The following PRDX1 variants were observed in gnomAD, a reference collection of about 807,000 sequenced individuals.
The protein encoded by PRDX1 is peroxiredoxin-1.
In PRDX1, 19 loss-of-function variants were observed where a neutral mutation model predicts 20.7. The ratio of observed to expected loss-of-function variants is 0.92; its 90% CI spans 0.64 to 1.35. The LOEUF (loss-of-function observed/expected upper bound fraction) is 1.35. Ranked by LOEUF, PRDX1 falls within the 40% of genes most tolerant of loss-of-function variation. The pLI, the probability that PRDX1 is intolerant of heterozygous loss-of-function variation, is 0.00. For synonymous variants in PRDX1, 89 were observed against 83.9 expected (o/e 1.06, Z -0.33); for missense variants, 226 against 240.0 (o/e 0.94, Z 0.38).
intron 1 of PRDX1, among the ~76,000 whole-genome samples, chr1:45,520,480 TG>T (rs1643900937): frequency 6.6e-6 from 1 of 151,840 alleles, no homozygotes; most frequent in African/African-American, 2.4e-5. Context: ...CCCAGCACTT[TG>T]GGAGGCCGAG....
Position 45,511,317 on chromosome 1 carries a change from A to C in PRDX1, c.*12T>G. 2 of 1,597,862 alleles carry C rather than the reference A, an allele frequency of 1.3e-6. No homozygotes were observed. The highest frequency in any genetic ancestry group is 1.7e-6 in the Non-Finnish European group (2 of 1,171,888). ...CTGCCCACCGCAGCCTGGCACTAAA[A>C]CAGCCCAGCGCTCACTTCTGCTTGG... is the stretch of plus-strand genomic sequence containing the variant. On this transcript the variant is annotated 3_prime_UTR_variant, in exon 6 of 6. Coordinates refer to ENST00000319248, the MANE Select transcript of PRDX1 (RefSeq NM_181697.3).
At chr1:45,511,486 C>A in intron 5 of PRDX1, 72 bp from the exon 6 acceptor site, 1 of 1,283,016 alleles carries the variant, frequency 7.8e-7, no homozygotes, top group South Asian at 1.3e-5. Context: ...ATGGACAAAA[C>A]CAGTTCTGCA....
chr1:45,514,735 C>A (rs1042362804), intron 4 of PRDX1, 98 bp from the exon 5 acceptor site: 3 of 1,576,512 alleles, frequency 1.9e-6, no homozygotes, highest in Non-Finnish European at 2.6e-6. Flanking sequence ...CTGGTCTCCA[C>A]ACTCCTACTG....
chr1:45,511,526 C>A, intron 5 of PRDX1, 112 bp from the exon 6 acceptor site: 1 of 773,892 alleles, frequency 1.3e-6, no homozygotes, highest in Non-Finnish European at 2.1e-6. Context: ...GGAAACCTAC[C>A]CCTGCAATCA....
chr1:45,514,291 G>A (rs933080106), intron 5 of PRDX1, among the ~76,000 whole-genome samples: 3 of 152,108 alleles, frequency 2.0e-5, no homozygotes, highest in Non-Finnish European at 4.4e-5. Context: ...ACCCAAGAAT[G>A]ATCAATAAAT....
In PRDX1 at chr1:45,514,529, C is replaced by T. The variant is rs1272888566; in HGVS notation, c.492G>A (p.Gln164=). 2.2e-5 allele frequency: 36 copies of T among 1,614,028 alleles called. No homozygotes were observed. Among genetic ancestry groups the T allele is most frequent in the Middle Eastern group, 1.6e-4 (1 of 6,082 alleles). The change falls in exon 5 of 6, where the codon CAG becomes CAA. Residue 164 remains glutamine, a synonymous_variant. Coordinates refer to ENST00000319248, the MANE Select transcript of PRDX1 (RefSeq NM_181697.3). ...DETLRLVQAF[Q]FTDKHGEVCP... ...TACCTTCCCCATGTTTGTCAGTGAA[C>T]TGGAAGGCCTGAACTAGTCTCAAAG...
chr1:45,516,075 C>A (rs1336634421), intron 2 of PRDX1, among the ~76,000 whole-genome samples: 1 of 152,210 alleles, frequency 6.6e-6, no homozygotes, highest in Admixed American at 6.5e-5. Flanking sequence ...TAATTTTGAT[C>A]TTTTCTGAGT....
upstream of PRDX1, among the ~76,000 whole-genome samples, chr1:45,522,148 A>C (rs1024346052): frequency 2.6e-5 from 4 of 152,134 alleles, no homozygotes; most frequent in Non-Finnish European, 4.4e-5. Context: ...TTAATCCTAG[A>C]TCTCTGCGGA....
intron 5 of PRDX1, chr1:45,512,069 CTTTTTTTTTTTTTTT>C (rs869087041): frequency 4.5e-5 from 3 of 66,904 alleles, no homozygotes; most frequent in African/African-American, 5.8e-5. Flanking sequence ...TCTTATTTTT[CTTTTTTTTTTTTTTT>C]TTTTTTTTTT....
rs774027381 is a variant in PRDX1, at chr1:45,511,341, G to T, written c.588C>A (p.Ser196=). The T allele has an allele frequency of 6.2e-7, 1 of 1,612,230 alleles. No homozygotes were observed. The highest frequency in any genetic ancestry group is 8.5e-7 in the Non-Finnish European group (1 of 1,179,118). Residue 196 remains serine (S), a synonymous_variant, in exon 6 of 6, where the codon TCC becomes TCA. Coordinates refer to ENST00000319248, the MANE Select transcript of PRDX1 (RefSeq NM_181697.3). ...PDVQKSKEYF[S]KQK is the part of the protein sequence containing the mutation. ...AACAGCCCAGCGCTCACTTCTGCTT[G>T]GAGAAATATTCTTTGCTCTTTTGGA...
chr1:45,516,220 A>C (rs1260792936), intron 2 of PRDX1, among the ~76,000 whole-genome samples: 2 of 152,272 alleles, frequency 1.3e-5, no homozygotes, highest in Non-Finnish European at 1.5e-5. Context: ...TGTAGAGATA[A>C]GACACCAATA....
intron 5 of PRDX1, among the ~76,000 whole-genome samples, chr1:45,514,048 G>C (rs1416635829): frequency 1.3e-5 from 2 of 152,180 alleles, no homozygotes; most frequent in Admixed American, 1.3e-4. Context: ...AAACCCAATT[G>C]TATGTTCCAT....
At chr1:45,520,179 T>TG (rs1643896421) in intron 1 of PRDX1, among the ~76,000 whole-genome samples, 1 of 127,938 alleles carries the variant, frequency 7.8e-6, no homozygotes, top group Non-Finnish European at 1.6e-5. Context: ...CACTCCAGCC[T>TG]GGGCAACAGA....
upstream of PRDX1, among the ~76,000 whole-genome samples, chr1:45,522,432 A>T (rs995734360): frequency 2.0e-5 from 3 of 152,164 alleles, no homozygotes; most frequent in Non-Finnish European, 4.4e-5. Flanking sequence ...AGGACTCCTA[A>T]ACTTACGCCA....
Position 45,515,936 on chromosome 1 carries a change from T to C in PRDX1, c.107-129A>G, listed in dbSNP as rs1011185698. 1.1e-5 allele frequency: 10 copies of C among 910,862 alleles called. No homozygotes were observed. The African/African-American group carries it at 1.7e-4, about 16-fold the overall frequency. The allele number at this position is 910,862 out of a possible 1,614,324, so 56.4% of individuals were successfully genotyped here. A position where few individuals can be genotyped will look rare whatever the true frequency, so the allele number is the denominator to read the frequency against. On this transcript the variant is annotated intron_variant, in intron 2 of 5. Transcript: ENST00000319248. Reference sequence around the variant, plus strand: ...TAACTGCCAAGATGCTCAATACAGATGTCTCCTAGAAGCTACTTTTAGAAC... The same window carrying C: ...TAACTGCCAAGATGCTCAATACAGACGTCTCCTAGAAGCTACTTTTAGAAC...
Position 45,519,015 on chromosome 1 carries a change from T to A in PRDX1, c.29A>T (p.His10Leu). The change falls in exon 2 of 6, where the codon CAC becomes CTC. Residue 10 changes from histidine (H) to leucine (L), a missense_variant. Physicochemically the swap from His to Leu is moderately conservative, Grantham distance 99. Coordinates refer to ENST00000319248, the MANE Select transcript of PRDX1 (RefSeq NM_181697.3). ...TGTGGCTTTGAAGTTGGGGGCAGGG[T>A]GCCCAATTTTAGCATTTCCTGAAGA... MSSGNAKIG[H>L]PAPNFKATAV... is the part of the protein sequence containing the mutation. The A allele has an allele frequency of 6.3e-7, 1 of 1,598,958 alleles. No homozygotes were observed.
At chr1:45,515,107 T>A in intron 3 of PRDX1, 112 bp from the exon 4 acceptor site, 1 of 1,458,102 alleles carries the variant, frequency 6.9e-7, no homozygotes, top group Non-Finnish European at 9.3e-7. Flanking sequence ...GACTGTTTTT[T>A]TTCCGTTTTC....
chr1:45,518,979 G>C lies in PRDX1; in HGVS notation c.65C>G (p.Pro22Arg). The change falls in exon 2 of 6, where the codon CCA becomes CGA. Residue 22 changes from proline (P) to arginine (R), a missense_variant. Coordinates refer to ENST00000319248, the MANE Select transcript of PRDX1 (RefSeq NM_181697.3). ...GCTGATATCTTTAAACTGACCATCT[G>C]GCATAACAGCTGTGGCTTTGAAGTT... ...APNFKATAVM[P>R]DGQFKDISLS... 1 of 1,605,556 alleles carries C rather than the reference G, an allele frequency of 6.2e-7. No individual in the cohort carries two copies. Among genetic ancestry groups the C allele is most frequent in the Non-Finnish European group, 8.5e-7 (1 of 1,177,028 alleles).
chr1:45,522,595 C>G (rs713358), upstream of PRDX1, among the ~76,000 whole-genome samples: 35,611 of 152,004 alleles, frequency 0.23, 4,268 homozygotes, highest in East Asian at 0.32. Context: ...TGATGACTAC[C>G]CCCCACAAAC....
Sources: gnomAD v4.1 joint callset for allele counts (sites outside exome capture counted in the v4.1 genomes callset) on GRCh38, gnomAD v4.1.1 for gene constraint, MANE v1.5 for transcripts, NCBI Gene and HGNC (gene_info 2026-07-23, HGNC 2026-07-21) for gene names.